Variants in GRAMD1C observed in about 807,000 individuals in gnomAD.
GRAMD1C encodes protein Aster-C.
A neutral mutation model predicts 97.8 loss-of-function variants in GRAMD1C; 89 were observed. The observed-to-expected ratio is 0.91, with a 90% CI of 0.77 to 1.09. The LOEUF is 1.09. Ranked by LOEUF, GRAMD1C falls within the 50% of genes least tolerant of loss-of-function variation. GRAMD1C has a pLI of 0.00. For synonymous variants in GRAMD1C, 256 were observed against 267.0 expected, an observed-to-expected ratio of 0.96 and a Z score of 0.40; for missense variants, 740 against 766.4, an observed-to-expected ratio of 0.97 and a Z score of 0.41.
chr3:113,908,903 C>A, intron 8 of GRAMD1C, 55 bp from the exon 9 acceptor site: 2 of 1,067,128 alleles, frequency 1.9e-6, no homozygotes, highest in Non-Finnish European at 1.3e-6. Context: ...GTTCTCACTG[C>A]AAAATCTAAG....
intron 2 of GRAMD1C, among the ~76,000 whole-genome samples, chr3:113,862,031 G>A (rs1221659444): frequency 6.6e-6 from 1 of 152,204 alleles, no homozygotes; most frequent in African/African-American, 2.4e-5. Context: ...GTGGGTCACA[G>A]AGATCACATG....
intron 1 of GRAMD1C, among the ~76,000 whole-genome samples, chr3:113,828,556 C>T (rs1709516799): frequency 6.6e-6 from 1 of 152,214 alleles, no homozygotes; most frequent in South Asian, 2.1e-4. Context: ...TACTTCCAGA[C>T]TCTTTTCCTT....
At chr3:113,830,310 C>T (rs552295722) in intron 1 of GRAMD1C, among the ~76,000 whole-genome samples, 1 of 152,176 alleles carries the variant, frequency 6.6e-6, no homozygotes, top group South Asian at 2.1e-4. Flanking sequence ...GTTGAACATG[C>T]CTGGCATCCA....
chr3:113,942,579 G>C (rs529412612), intron 17 of GRAMD1C, among the ~76,000 whole-genome samples: 18 of 152,252 alleles, frequency 1.2e-4, no homozygotes, highest in Admixed American at 7.2e-4. Context: ...AGCGTTTTAG[G>C]AGCTGAGCGG....
chr3:113,908,943 T>C lies in GRAMD1C; in HGVS notation c.790-15T>C. 6.6e-7 allele frequency: 1 copy of C among 1,503,806 alleles called. No homozygotes were observed. The highest frequency in any genetic ancestry group is 8.9e-7 in the Non-Finnish European group (1 of 1,122,394). 93.2% of individuals were successfully genotyped at this position (1,503,806 alleles called of 1,614,324 possible). ...ACCTGTGTTTTATTTTGAAACTGGATTGTTTACCTTTTAGGGATTAGGCAA... is the reference window on the plus strand; with the variant it reads ...ACCTGTGTTTTATTTTGAAACTGGACTGTTTACCTTTTAGGGATTAGGCAA... On this transcript the variant is annotated splice_polypyrimidine_tract_variant and intron_variant, in intron 8 of 17. Transcript: ENST00000358160.
chr3:113,920,054 G>A (rs1015016193), intron 10 of GRAMD1C: 2 of 987,644 alleles, frequency 2.0e-6, no homozygotes, highest in Non-Finnish European at 3.1e-6. Flanking sequence ...AGTGTTTGTT[G>A]ATGAGGAAGA....
chr3:113,909,136 T>A lies in GRAMD1C; in HGVS notation c.952+16T>A, dbSNP rs772469680. 3 of 1,254,228 alleles carry A rather than the reference T, an allele frequency of 2.4e-6. No individual in the cohort carries two copies. The East Asian group carries it at 7.9e-5, about 33-fold the overall frequency. The allele number at this position is 1,254,228 out of a possible 1,614,324, so 77.7% of individuals were successfully genotyped here. A position where few individuals can be genotyped will look rare whatever the true frequency, so the allele number is the denominator to read the frequency against. On this transcript the variant is annotated intron_variant, in intron 9 of 17. Coordinates refer to ENST00000358160, the MANE Select transcript of GRAMD1C (RefSeq NM_017577.5). The stretch of plus-strand genomic sequence containing the variant: ...GTTGATGAAGGTAAATAATTTCTTA[T>A]AAATTTTATTAAATTTCAGTTATGT...
intron 2 of GRAMD1C, among the ~76,000 whole-genome samples, chr3:113,867,654 A>G (rs2712364): frequency 0.98 from 149,701 of 152,288 alleles, 73,639 homozygotes; most frequent in East Asian, 1. Context: ...TTAATGATGA[A>G]GAGTCACCCG....
chr3:113,846,942 C>G (rs143636054), intron 2 of GRAMD1C, among the ~76,000 whole-genome samples: 8 of 152,186 alleles, frequency 5.3e-5, no homozygotes, highest in Admixed American at 5.2e-4. Flanking sequence ...CCAGAACTGT[C>G]AACAACTCAG....
chr3:113,861,960 C>T (rs1282568222), intron 2 of GRAMD1C, among the ~76,000 whole-genome samples: 8 of 151,982 alleles, frequency 5.3e-5, no homozygotes, highest in East Asian at 3.9e-4. Flanking sequence ...GCCCTCGAGC[C>T]GTAAAACCAG....
chr3:113,862,540 A>G (rs1292709017), intron 2 of GRAMD1C, among the ~76,000 whole-genome samples: 1 of 152,186 alleles, frequency 6.6e-6, no homozygotes, highest in Admixed American at 6.5e-5. Context: ...CAGATTTCAT[A>G]TTGTTCAAAC....
chr3:113,917,778 C>T (rs1033190138), intron 10 of GRAMD1C, among the ~76,000 whole-genome samples: 5 of 149,302 alleles, frequency 3.3e-5, no homozygotes, highest in African/African-American at 9.9e-5. Context: ...CTGCAACCTC[C>T]GCCTCCTGGG....
chr3:113,945,277 T>G, intron 17 of GRAMD1C, 121 bp from the exon 18 acceptor site: 1 of 656,470 alleles, frequency 1.5e-6, no homozygotes, highest in Non-Finnish European at 2.7e-6. Context: ...ACGTTTTATT[T>G]GGGCATCAGT....
intron 6 of GRAMD1C, among the ~76,000 whole-genome samples, chr3:113,896,250 A>G (rs1412041198): frequency 6.6e-6 from 1 of 152,186 alleles, no homozygotes; most frequent in Non-Finnish European, 1.5e-5. Context: ...CGGCAGCGTT[A>G]GATACCACTG....
At chr3:113,854,344 G>A (rs1293439274) in intron 2 of GRAMD1C, among the ~76,000 whole-genome samples, 1 of 152,126 alleles carries the variant, frequency 6.6e-6, no homozygotes, top group Non-Finnish European at 1.5e-5. Context: ...GGATAGAGAA[G>A]AGAAGCGGAC....
chr3:113,869,608 C>CA lies in GRAMD1C; in HGVS notation c.259+25dup. 5.2e-5 allele frequency: 63 copies of CA among 1,216,770 alleles called. No homozygotes were observed. The highest frequency in any genetic ancestry group is 7.0e-5 in the Admixed American group (3 of 43,070). 75.4% of individuals were successfully genotyped at this position (1,216,770 alleles called of 1,614,324 possible). ...TGATAGCAGGTAAAATAGAAATTTTCAAAAAAAAGTTTTATTACCTCATTA... is the reference window on the plus strand; with the variant it reads ...TGATAGCAGGTAAAATAGAAATTTTCAAAAAAAAAGTTTTATTACCTCATTA... On this transcript the variant is annotated intron_variant, in intron 3 of 17. Transcript: ENST00000358160.
chr3:113,885,062 C>A (rs1935413349), intron 6 of GRAMD1C, among the ~76,000 whole-genome samples: 1 of 151,734 alleles, frequency 6.6e-6, no homozygotes, highest in African/African-American at 2.4e-5. Flanking sequence ...CGGTGCCACT[C>A]CCAGTCCATG....
chr3:113,940,149 T>C, intron 16 of GRAMD1C, 91 bp from the exon 17 acceptor site: 1 of 935,924 alleles, frequency 1.1e-6, no homozygotes, highest in Non-Finnish European at 1.7e-6. Flanking sequence ...TGTGTTTTGT[T>C]TGCAAATTTA....
Position 113,927,054 on chromosome 3 carries a change from G to T in GRAMD1C, c.1091-3660G>T, listed in dbSNP as rs184909729. 5.3e-5 allele frequency among the ~76,000 whole-genome samples: 8 copies of T among 152,174 alleles called. No individual in the cohort carries two copies. The East Asian group carries it at 1.5e-3, about 29-fold the overall frequency. ...CTTGTGCACTGGCTGGGGCAGGGGC[G>T]CTGGTGGGAACCCTTTGTTTTCACA... On this transcript the variant is annotated intron_variant, in intron 10 of 17. Transcript: ENST00000358160.
Sources: gnomAD v4.1 joint callset for allele counts (sites outside exome capture counted in the v4.1 genomes callset) on GRCh38, gnomAD v4.1.1 for gene constraint, MANE v1.5 for transcripts, NCBI Gene and HGNC (gene_info 2026-07-23, HGNC 2026-07-21) for gene names.